SNRPN: variants seen among roughly 807,000 people sequenced by gnomAD.
The protein encoded by SNRPN is small nuclear ribonucleoprotein polypeptide N.
In SNRPN, 7 loss-of-function variants were observed where a neutral mutation model predicts 25.2. The ratio of observed to expected loss-of-function variants is 0.28; its 90% CI spans 0.16 to 0.52. SNRPN has a LOEUF of 0.52. Among genes scored for constraint, SNRPN ranks in the 20% least tolerant of loss-of-function variants. The pLI is 0.96. For synonymous variants in SNRPN, 124 were observed against 110.6 expected, an observed-to-expected ratio of 1.12 and a Z score of -0.76; for missense variants, 196 against 322.5, an observed-to-expected ratio of 0.61 and a Z score of 3.00.
upstream of SNRPN, among the ~76,000 whole-genome samples, chr15:24,950,765 C>T (rs146959300): frequency 7.8e-3 from 1,175 of 151,494 alleles, 10 homozygotes; most frequent in African/African-American, 0.027. Flanking sequence ...CCAGGCTGGT[C>T]TCGAACTCCT....
At chr15:24,964,551 C>G (rs1396111901) in intron 2 of SNRPN, among the ~76,000 whole-genome samples, 2 of 152,150 alleles carry the variant, frequency 1.3e-5, no homozygotes, top group Admixed American at 6.6e-5. Flanking sequence ...GCCTTGGTTT[C>G]TTTCCCAAAG....
intron 1 of SNRPN, among the ~76,000 whole-genome samples, chr15:24,825,922 C>G (rs770123548): frequency 1.3e-5 from 2 of 151,972 alleles, no homozygotes; most frequent in South Asian, 2.1e-4. Context: ...GTTTATCAGA[C>G]GCATATACCA....
intron 2 of SNRPN, among the ~76,000 whole-genome samples, chr15:24,891,067 C>T (rs1448209238): frequency 6.6e-6 from 1 of 152,090 alleles, no homozygotes; most frequent in Non-Finnish European, 1.5e-5. Flanking sequence ...TGCACCACCA[C>T]GCTTGGCTAA....
intron 2 of SNRPN, among the ~76,000 whole-genome samples, chr15:24,890,483 T>TGG (rs2057582988): frequency 6.6e-6 from 1 of 152,108 alleles, no homozygotes; most frequent in African/African-American, 2.4e-5. Flanking sequence ...AAGACAAGCC[T>TGG]GACCAACATG....
At chr15:24,879,616 G>C (rs1418637116) in intron 1 of SNRPN, among the ~76,000 whole-genome samples, 1 of 152,202 alleles carries the variant, frequency 6.6e-6, no homozygotes, top group Non-Finnish European at 1.5e-5. Context: ...TCTTTCTGCA[G>C]AGACCATGTC....
At chr15:24,928,179 CA>C (rs2060540822) in intron 3 of SNRPN, among the ~76,000 whole-genome samples, 1 of 152,046 alleles carries the variant, frequency 6.6e-6, no homozygotes, top group African/African-American at 2.4e-5. Context: ...GCAGAGTCCT[CA>C]AAAAACTACA....
intron 7 of SNRPN, among the ~76,000 whole-genome samples, 176 bp from the exon 8 acceptor site, chr15:24,977,602 C>T (rs1430920333): frequency 6.6e-6 from 1 of 152,132 alleles, no homozygotes; most frequent in Admixed American, 6.5e-5. Context: ...TGCGCCATTA[C>T]ACTCCAGCCT....
At chr15:24,934,637 CA>C (rs1424095318) in intron 3 of SNRPN, among the ~76,000 whole-genome samples, 1 of 152,200 alleles carries the variant, frequency 6.6e-6, no homozygotes, top group African/African-American at 2.4e-5. Flanking sequence ...CAGCTCACTG[CA>C]ACCTCCACCC....
intron 1 of SNRPN, among the ~76,000 whole-genome samples, chr15:24,862,136 C>CA (rs5811368): frequency 0.83 from 125,212 of 150,764 alleles, 54,814 homozygotes; most frequent in East Asian, 0.99. Flanking sequence ...ACTAGGCTAA[C>CA]GCTATTGTAA....
chr15:24,872,456 A>G lies in SNRPN; in HGVS notation c.-578-14060A>G, dbSNP rs1387367949. 1.7e-5 allele frequency among the ~76,000 whole-genome samples: 2 copies of G among 120,072 alleles called. 1 individual carries two copies. The highest frequency in any genetic ancestry group is 3.6e-5 in the Non-Finnish European group (2 of 55,228). 78.8% of individuals were successfully genotyped at this position (120,072 alleles called of 152,430 possible). On this transcript the variant is annotated intron_variant, in intron 1 of 11. Transcript: ENST00000400097. ...AAAAATACATTTTTTTTTGGAAAAT[A>G]TAGTTTAGGCTGGGCGCAGTGGCTC...
chr15:24,875,565 A>G (rs2055770748), intron 1 of SNRPN, among the ~76,000 whole-genome samples: 1 of 152,150 alleles, frequency 6.6e-6, no homozygotes, highest in African/African-American at 2.4e-5. Context: ...AGAATATTCA[A>G]TTTCCTAGAA....
intron 1 of SNRPN, among the ~76,000 whole-genome samples, chr15:24,874,147 A>T (rs1314626643): frequency 2.6e-5 from 4 of 151,840 alleles, no homozygotes; most frequent in Admixed American, 2.6e-4. Context: ...CGTCTCTACT[A>T]AAAATACAAA....
intron 3 of SNRPN, among the ~76,000 whole-genome samples, chr15:24,945,111 G>A (rs946895715): frequency 6.6e-6 from 1 of 152,070 alleles, no homozygotes; most frequent in African/African-American, 2.4e-5. Flanking sequence ...CACTATCACA[G>A]TCAGATAACA....
chr15:24,829,025 T>C (rs1268409609), intron 1 of SNRPN, among the ~76,000 whole-genome samples: 1 of 152,028 alleles, frequency 6.6e-6, no homozygotes, highest in South Asian at 2.1e-4. Context: ...TCTCTTCAGA[T>C]TGAAAGAAAG....
At chr15:24,918,651 CAT>C (rs1332321867) in intron 2 of SNRPN, among the ~76,000 whole-genome samples, 2 of 74,336 alleles carry the variant, frequency 2.7e-5, no homozygotes, top group African/African-American at 5.7e-5. Context: ...TATATGTGTG[CAT>C]ATATATAACA....
chr15:24,927,275 C>T (rs566293745), intron 3 of SNRPN, among the ~76,000 whole-genome samples: 84 of 151,852 alleles, frequency 5.5e-4, no homozygotes, highest in African/African-American at 1.6e-3. Flanking sequence ...CATATGCTAC[C>T]GTACCTGGCT....
In SNRPN at chr15:24,890,466, G is replaced by A. The variant is rs146394634; in HGVS notation, c.-505+3877G>A. On this transcript the variant is annotated intron_variant, in intron 2 of 11. Transcript: ENST00000400097. ...CTGAGGCGGGTGGATCACGAGGTCA[G>A]GAGTTCAAGACAAGCCTGACCAACA... 7.2e-3 allele frequency among the ~76,000 whole-genome samples: 1,100 copies of A among 152,242 alleles called. 21 individuals are homozygous for A. Among genetic ancestry groups the A allele is most frequent in the African/African-American group, 0.025 (1,042 of 41,546 alleles).
intron 1 of SNRPN, among the ~76,000 whole-genome samples, chr15:24,885,577 G>A (rs1276133889): frequency 6.6e-6 from 1 of 152,092 alleles, no homozygotes; most frequent in South Asian, 2.1e-4. Context: ...GCTACTCTCT[G>A]TTTTCCTTGC....
intron 1 of SNRPN, among the ~76,000 whole-genome samples, chr15:24,871,077 T>C (rs1412664303): frequency 6.6e-6 from 1 of 151,826 alleles, no homozygotes; most frequent in Admixed American, 6.6e-5. Flanking sequence ...GAGATGGGGT[T>C]TCACTATGTT....
Sources: gnomAD v4.1 joint callset for allele counts (sites outside exome capture counted in the v4.1 genomes callset) on GRCh38, gnomAD v4.1.1 for gene constraint, MANE v1.5 for transcripts, NCBI Gene and HGNC (gene_info 2026-07-23, HGNC 2026-07-21) for gene names.